FHOD3: variants seen among roughly 807,000 people sequenced by gnomAD.
FHOD3 encodes formin homology 2 domain containing 3.
A neutral mutation model predicts 173.0 loss-of-function variants in FHOD3; 90 were observed. The ratio of observed to expected loss-of-function variants is 0.52; its 90% CI spans 0.44 to 0.62. The LOEUF (loss-of-function observed/expected upper bound fraction) is 0.62, where lower values mean the gene tolerates loss of function less well. Ranked by LOEUF, FHOD3 falls within the 20% of genes least tolerant of loss-of-function variation. The pLI is 0.00. For synonymous variants in FHOD3, 828 were observed against 823.0 expected (o/e 1.01, Z -0.10); for missense variants, 1,945 against 2,034.7 (o/e 0.96, Z 0.85).
Position 36,297,966 on chromosome 18 carries a change from C to A in FHOD3, c.131C>A (p.Ala44Glu). ...GACCTCGCGCTCGGCACCCAGCTGG[C>A]GGGGGTCCATAGGCTGCTGCAGGCG... ...REDLALGTQL[A>E]GVHRLLQAPH... is the part of the protein sequence containing the mutation. The change falls in exon 1 of 29, where the codon GCG (alanine) becomes GAG (glutamate). Residue 44 changes from alanine to glutamate, a missense_variant. By Grantham distance (107) the Ala-to-Glu change is moderately radical. Coordinates refer to ENST00000590592, the MANE Select transcript of FHOD3 (RefSeq NM_001281740.3). 6.4e-7 allele frequency: 1 copy of A among 1,565,316 alleles called. No homozygotes were observed. The highest frequency in any genetic ancestry group is 2.4e-5 in the East Asian group (1 of 41,168).
chr18:36,589,410 G>C (rs1171793177), intron 6 of FHOD3, among the ~76,000 whole-genome samples: 1 of 152,156 alleles, frequency 6.6e-6, no homozygotes, highest in Non-Finnish European at 1.5e-5. Context: ...AGAAAGTGAG[G>C]TTGTTTGTGT....
chr18:36,737,868 A>G (rs999862657), intron 20 of FHOD3, among the ~76,000 whole-genome samples: 7 of 152,196 alleles, frequency 4.6e-5, no homozygotes, highest in African/African-American at 9.7e-5. Flanking sequence ...TATAGAGTGC[A>G]GTCGACTTTT....
intron 24 of FHOD3, 73 bp downstream of exon 24, chr18:36,747,208 G>A (rs750365894): frequency 1.7e-5 from 21 of 1,240,938 alleles, no homozygotes; most frequent in Non-Finnish European, 2.2e-5. Flanking sequence ...GAAATTAAGA[G>A]CCGATGGTTA....
At chr18:36,601,851 C>T (rs2031428038) in intron 7 of FHOD3, among the ~76,000 whole-genome samples, 1 of 152,186 alleles carries the variant, frequency 6.6e-6, no homozygotes, top group African/African-American at 2.4e-5. Flanking sequence ...TCTTTTTGGT[C>T]TTGCCCTTGG....
At chr18:36,756,053 A>G (rs1291719721) in intron 25 of FHOD3, among the ~76,000 whole-genome samples, 1 of 152,144 alleles carries the variant, frequency 6.6e-6, no homozygotes, top group African/African-American at 2.4e-5. Flanking sequence ...GTGGAGGGTA[A>G]AGGGATGCAT....
At chr18:36,556,152 G>A (rs1452647053) in intron 5 of FHOD3, among the ~76,000 whole-genome samples, 1 of 151,784 alleles carries the variant, frequency 6.6e-6, no homozygotes, top group Non-Finnish European at 1.5e-5. Context: ...TTATTTTGTA[G>A]GATTTTTAAA....
intron 17 of FHOD3, among the ~76,000 whole-genome samples, chr18:36,696,463 AAAG>A (rs1271922830): frequency 6.6e-6 from 1 of 152,196 alleles, no homozygotes; most frequent in East Asian, 1.9e-4. Context: ...AGAACTTTTG[AAAG>A]AAGAAGATAG....
At chr18:36,655,736 C>T (rs2036379188) in intron 13 of FHOD3, among the ~76,000 whole-genome samples, 1 of 127,724 alleles carries the variant, frequency 7.8e-6, no homozygotes, top group African/African-American at 3.3e-5. Flanking sequence ...TAAAAAGAAC[C>T]CTCACCCTCC....
intron 1 of FHOD3, among the ~76,000 whole-genome samples, chr18:36,333,860 A>G (rs577204477): frequency 2.3e-4 from 35 of 152,276 alleles, no homozygotes; most frequent in African/African-American, 8.2e-4. Context: ...TGGATGGACA[A>G]CTTAGCACAT....
intron 10 of FHOD3, among the ~76,000 whole-genome samples, chr18:36,637,555 C>T (rs1001920030): frequency 1.1e-4 from 16 of 152,304 alleles, no homozygotes; most frequent in African/African-American, 3.8e-4. Context: ...CGTACTAGGC[C>T]CCAACTCCTA....
At chr18:36,628,267 G>T (rs2034260174) in intron 10 of FHOD3, among the ~76,000 whole-genome samples, 2 of 152,070 alleles carry the variant, frequency 1.3e-5, no homozygotes, top group Non-Finnish European at 2.9e-5. Context: ...CAAATCACAG[G>T]ACTAAGGGCT....
intron 3 of FHOD3, among the ~76,000 whole-genome samples, chr18:36,418,659 C>T (rs1163798096): frequency 6.6e-6 from 1 of 152,042 alleles, no homozygotes; most frequent in Non-Finnish European, 1.5e-5. Context: ...ACACCTACAA[C>T]CCCAGCACTT....
intron 3 of FHOD3, among the ~76,000 whole-genome samples, chr18:36,449,272 T>C (rs199824458): frequency 1.3e-5 from 2 of 151,218 alleles, no homozygotes; most frequent in East Asian, 4.0e-4. Context: ...AAATGGTACA[T>C]ATATGTTTTA....
At chr18:36,648,417 G>C (rs1268921958) in intron 10 of FHOD3, among the ~76,000 whole-genome samples, 1 of 152,166 alleles carries the variant, frequency 6.6e-6, no homozygotes, top group Non-Finnish European at 1.5e-5. Context: ...ACCAGAGAAA[G>C]AGAATGTCCC....
At chr18:36,298,061 G>A in intron 1 of FHOD3, 61 bp downstream of exon 1, 29 of 1,387,610 alleles carry the variant, frequency 2.1e-5, no homozygotes, top group Non-Finnish European at 2.7e-5. Flanking sequence ...GGTGCGCGCC[G>A]GGGTGGGTCC....
chr18:36,602,908 T>A, intron 8 of FHOD3, 140 bp downstream of exon 8: 1 of 669,534 alleles, frequency 1.5e-6, no homozygotes, highest in East Asian at 2.7e-5. Context: ...TGGGCTCTGA[T>A]GCAGCATGAC....
intron 17 of FHOD3, among the ~76,000 whole-genome samples, chr18:36,696,498 TC>T (rs1444032797): frequency 6.6e-6 from 1 of 152,216 alleles, no homozygotes; most frequent in Non-Finnish European, 1.5e-5. Flanking sequence ...AAACTCCTTT[TC>T]CTTTTGTCTT....
chr18:36,572,865 A>C (rs934290582), intron 5 of FHOD3, among the ~76,000 whole-genome samples: 5 of 152,128 alleles, frequency 3.3e-5, no homozygotes, highest in African/African-American at 1.2e-4. Flanking sequence ...GCCAAAATGT[A>C]CCTCAGGATT....
chr18:36,647,450 A>G (rs760108098), intron 10 of FHOD3, among the ~76,000 whole-genome samples: 1 of 152,212 alleles, frequency 6.6e-6, no homozygotes, highest in Non-Finnish European at 1.5e-5. Context: ...AGACAAAATT[A>G]TCAGATCTTG....
Sources: allele counts gnomAD v4.1 joint callset (sites outside exome capture counted in the v4.1 genomes callset), GRCh38; gene constraint gnomAD v4.1.1; transcripts MANE v1.5; gene names NCBI Gene and HGNC (gene_info 2026-07-23, HGNC 2026-07-21).